KDM4C: variants seen among roughly 807,000 people sequenced by gnomAD.
KDM4C encodes the protein lysine demethylase 4C.
Under a neutral mutation model 129.3 loss-of-function variants are expected in KDM4C, and 81 were observed. The ratio of observed to expected loss-of-function variants is 0.63; its 90% CI spans 0.52 to 0.75. KDM4C has a LOEUF of 0.75. Ranked by LOEUF, KDM4C falls within the 30% of genes least tolerant of loss-of-function variation. The pLI is 0.00. For synonymous variants in KDM4C, 573 were observed against 456.1 expected (o/e 1.26, Z -3.26); for missense variants, 1,457 against 1,304.0 (o/e 1.12, Z -1.81).
intron 1 of KDM4C, among the ~76,000 whole-genome samples, chr9:6,760,464 T>TATATATATAA (rs993536867): frequency 6.7e-6 from 1 of 150,264 alleles, no homozygotes; most frequent in Admixed American, 6.6e-5. Context: ...TATATATATA[T>TATATATATAA]AATGTAATTG....
At chr9:6,798,435 AT>A (rs1255623963) in intron 2 of KDM4C, among the ~76,000 whole-genome samples, 1 of 152,068 alleles carries the variant, frequency 6.6e-6, no homozygotes, top group African/African-American at 2.4e-5. Flanking sequence ...TGGAGTGGTG[AT>A]GACTCTTAAC....
chr9:7,078,833 C>T (rs1278442397), intron 17 of KDM4C, among the ~76,000 whole-genome samples: 1 of 152,044 alleles, frequency 6.6e-6, no homozygotes, highest in Non-Finnish European at 1.5e-5. Flanking sequence ...CATGAGCAAC[C>T]CCATGATTGG....
intron 17 of KDM4C, among the ~76,000 whole-genome samples, chr9:7,098,297 T>C (rs1411628194): frequency 6.6e-6 from 1 of 152,254 alleles, no homozygotes; most frequent in South Asian, 2.1e-4. Context: ...CACTGGCCTT[T>C]CCCTGCTACT....
At position 7,159,838 on chromosome 9, in the gene KDM4C, T is replaced by C. The variant is rs554872865; in HGVS notation, c.2782-5400T>C. ...GGTTGCTCTTCTCAAGGAGTATCTTTGTGGTGTTCTCTGTATTTCCTGAAT... is the reference window on the plus strand; with the variant it reads ...GGTTGCTCTTCTCAAGGAGTATCTTCGTGGTGTTCTCTGTATTTCCTGAAT... On this transcript the variant is annotated intron_variant, in intron 19 of 21. Coordinates refer to ENST00000381309, the MANE Select transcript of KDM4C (RefSeq NM_015061.6). Among the ~76,000 whole-genome samples the C allele has an allele frequency of 2.0e-5, 3 of 152,314 alleles. No homozygotes were observed. The South Asian group carries it at 6.2e-4, about 32-fold the overall frequency.
intron 1 of KDM4C, among the ~76,000 whole-genome samples, chr9:6,783,821 A>G (rs972007281): frequency 2.6e-5 from 4 of 152,184 alleles, no homozygotes; most frequent in African/African-American, 7.2e-5. Flanking sequence ...AGTGATTTCA[A>G]TCCATTGGTG....
At chr9:7,065,820 C>A (rs1337651290) in intron 17 of KDM4C, among the ~76,000 whole-genome samples, 1 of 151,524 alleles carries the variant, frequency 6.6e-6, no homozygotes, top group Non-Finnish European at 1.5e-5. Context: ...GATTGTTGAC[C>A]CATATTTAAT....
At chr9:6,878,050 C>T (rs959341275) in intron 5 of KDM4C, among the ~76,000 whole-genome samples, 2 of 152,174 alleles carry the variant, frequency 1.3e-5, no homozygotes, top group Admixed American at 6.5e-5. Flanking sequence ...TGAGTGGGTT[C>T]ACTTTGAGCA....
At chr9:6,820,973 T>C (rs536300042) in intron 4 of KDM4C, among the ~76,000 whole-genome samples, 9 of 152,100 alleles carry the variant, frequency 5.9e-5, no homozygotes, top group Non-Finnish European at 1.2e-4. Context: ...ATGCATTGTT[T>C]GGTTTTCTGT....
At chr9:6,878,960 A>G (rs1225261660) in intron 5 of KDM4C, among the ~76,000 whole-genome samples, 18 of 152,206 alleles carry the variant, frequency 1.2e-4, no homozygotes, top group Admixed American at 1.2e-3. Flanking sequence ...GGTTGGAACA[A>G]TTTCATTAGC....
At chr9:7,120,025 A>T (rs1839324242) in intron 18 of KDM4C, among the ~76,000 whole-genome samples, 1 of 152,162 alleles carries the variant, frequency 6.6e-6, no homozygotes, top group Non-Finnish European at 1.5e-5. Context: ...AGCCATTAGT[A>T]ATTAAATGCC....
At chr9:7,039,306 C>T (rs942884406) in intron 15 of KDM4C, among the ~76,000 whole-genome samples, 1 of 151,982 alleles carries the variant, frequency 6.6e-6, no homozygotes, top group South Asian at 2.1e-4. Flanking sequence ...TTATTCAGCT[C>T]TGTCTTTCTC....
chr9:7,117,353 A>G (rs76368563), intron 18 of KDM4C, among the ~76,000 whole-genome samples: 2,929 of 152,244 alleles, frequency 0.019, 47 homozygotes, highest in Middle Eastern at 0.065. Flanking sequence ...TGTTTAACCC[A>G]TTCACCAACT....
chr9:6,860,241 A>G (rs1460059665), intron 5 of KDM4C, among the ~76,000 whole-genome samples: 1 of 152,160 alleles, frequency 6.6e-6, no homozygotes, highest in Non-Finnish European at 1.5e-5. Context: ...GTCTGAACCA[A>G]CACCGTTTGT....
At chr9:6,767,184 G>C (rs1384328074) in intron 1 of KDM4C, among the ~76,000 whole-genome samples, 1 of 151,846 alleles carries the variant, frequency 6.6e-6, no homozygotes, top group Non-Finnish European at 1.5e-5. Context: ...TGTCGCCCAG[G>C]CTGGAGTGCA....
At chr9:6,733,720 G>C (rs1029217502) in intron 1 of KDM4C, among the ~76,000 whole-genome samples, 3 of 152,176 alleles carry the variant, frequency 2.0e-5, no homozygotes, top group East Asian at 3.9e-4. Context: ...AGAAAGTAAA[G>C]GAATAAAAGA....
intron 8 of KDM4C, among the ~76,000 whole-genome samples, chr9:6,950,188 G>A (rs1369994679): frequency 1.3e-5 from 2 of 151,632 alleles, no homozygotes; most frequent in East Asian, 3.9e-4. Context: ...GAAATGATTA[G>A]CAAATTTTAT....
chr9:6,827,254 A>G (rs553663624), intron 4 of KDM4C, among the ~76,000 whole-genome samples: 2 of 152,364 alleles, frequency 1.3e-5, no homozygotes, highest in African/African-American at 4.8e-5. Context: ...CTTCATCTAC[A>G]AGGGGAAGAA....
rs375290515 is a variant in KDM4C at position 6,901,696 on chromosome 9, G to A, written c.921+8464G>A. ...GTTTTTAGGGAAAGGGGCTCTGCCT[G>A]TGGAGAAGAAAGAAAAAGATGGAAG... On this transcript the variant is annotated intron_variant, in intron 8 of 21. Transcript: ENST00000381309. 8.5e-5 allele frequency among the ~76,000 whole-genome samples: 13 copies of A among 152,220 alleles called. No homozygotes were observed. In the East Asian group the frequency reaches 1.2e-3, roughly 14 times the overall value.
intron 17 of KDM4C, among the ~76,000 whole-genome samples, chr9:7,059,579 G>A (rs773265777): frequency 2.0e-5 from 3 of 152,162 alleles, no homozygotes; most frequent in Non-Finnish European, 4.4e-5. Flanking sequence ...CATGAAGAAT[G>A]TCCATGATTA....
Sources: gnomAD v4.1 joint callset for allele counts (sites outside exome capture counted in the v4.1 genomes callset) on GRCh38, gnomAD v4.1.1 for gene constraint, MANE v1.5 for transcripts, NCBI Gene and HGNC (gene_info 2026-07-23, HGNC 2026-07-21) for gene names.